GUCY2C: variants seen among roughly 807,000 people sequenced by gnomAD.
GUCY2C encodes the protein guanylate cyclase 2C.
In GUCY2C, 118 loss-of-function variants were observed where a neutral mutation model predicts 131.1. The observed-to-expected ratio is 0.90, with a 90% confidence interval of 0.78 to 1.05. GUCY2C has a LOEUF of 1.05. Among genes scored for constraint, GUCY2C ranks in the 50% least tolerant of loss-of-function variants. The probability of loss-of-function intolerance (pLI) is 0.00; values close to 1 mark genes in which losing one functional copy is unlikely to be tolerated. For synonymous variants in GUCY2C, 452 were observed against 457.8 expected, an observed-to-expected ratio of 0.99 and a Z score of 0.16; for missense variants, 1,161 against 1,304.4, an observed-to-expected ratio of 0.89 and a Z score of 1.69.
Position 14,652,029 on chromosome 12 carries a change from C to T in GUCY2C, c.1535G>A (p.Arg512Gln), listed in dbSNP as rs777253417. Reference sequence around the variant, plus strand: ...GTGCTTGAGATCTTTGAGAATCACTCGCTGCAAAAATCAATGAAATTTAGG... The same window carrying T: ...GTGCTTGAGATCTTTGAGAATCACTTGCTGCAAAAATCAATGAAATTTAGG... ...RLRQCKYDKK[R>Q]VILKDLKHND... Residue 512 changes from arginine to glutamine, a missense_variant and splice_region_variant, in exon 14 of 27, where the codon CGA becomes CAA. Arg to Gln is a conservative substitution (Grantham distance 43, BLOSUM62 1). Transcript: ENST00000261170. 13 of 1,584,464 alleles carry T rather than the reference C, an allele frequency of 8.2e-6. No individual in the cohort carries two copies. The highest frequency in any genetic ancestry group is 1.7e-4 in the Middle Eastern group (1 of 5,820).
intron 15 of GUCY2C, among the ~76,000 whole-genome samples, chr12:14,646,318 C>G (rs1160412336): frequency 6.6e-6 from 1 of 152,166 alleles, no homozygotes; most frequent in Non-Finnish European, 1.5e-5. Flanking sequence ...AACTCAGGCA[C>G]TGTACTAAGA....
At chr12:14,625,997 G>A (rs1947006366) in intron 20 of GUCY2C, 82 bp from the exon 21 acceptor site, 1 of 803,040 alleles carries the variant, frequency 1.2e-6, no homozygotes. Context: ...CAAATATGAT[G>A]AACAGATAAT....
intron 11 of GUCY2C, among the ~76,000 whole-genome samples, chr12:14,659,120 A>G (rs930513428): frequency 1.3e-5 from 2 of 150,746 alleles, no homozygotes; most frequent in African/African-American, 4.9e-5. Context: ...ATCTCTGCTC[A>G]CTGCAACCTC....
chr12:14,650,048 T>A (rs1002001908), intron 15 of GUCY2C, among the ~76,000 whole-genome samples: 1 of 152,196 alleles, frequency 6.6e-6, no homozygotes, highest in Admixed American at 6.5e-5. Flanking sequence ...TGTATTTGCA[T>A]GTTTGTTTTA....
At chr12:14,686,003 G>A (rs1948460619) in intron 3 of GUCY2C, among the ~76,000 whole-genome samples, 158 bp downstream of exon 3, 1 of 152,164 alleles carries the variant, frequency 6.6e-6, no homozygotes, top group Non-Finnish European at 1.5e-5. Context: ...TGCTGAGCAA[G>A]GGAAGTTACC....
intron 19 of GUCY2C, among the ~76,000 whole-genome samples, chr12:14,637,191 G>A (rs1947287970): frequency 1.9e-5 from 1 of 51,902 alleles, no homozygotes; most frequent in South Asian, 1.1e-3. Context: ...ATTTACAATA[G>A]CTACCAAAAA....
chr12:14,659,292 C>T (rs1304507864), intron 11 of GUCY2C, among the ~76,000 whole-genome samples: 1 of 152,114 alleles, frequency 6.6e-6, no homozygotes, highest in Non-Finnish European at 1.5e-5. Flanking sequence ...ATTCAGCCAC[C>T]TCGGCCTTCC....
chr12:14,631,560 T>G (rs1176381916), intron 19 of GUCY2C, among the ~76,000 whole-genome samples: 1 of 152,072 alleles, frequency 6.6e-6, no homozygotes, highest in Non-Finnish European at 1.5e-5. Flanking sequence ...GGACACGAGC[T>G]CATCATTTTT....
chr12:14,669,627 G>A, intron 10 of GUCY2C, 95 bp downstream of exon 10: 1 of 677,738 alleles, frequency 1.5e-6, no homozygotes. Flanking sequence ...ACAAAACACA[G>A]CAAAAAGCAC....
At chr12:14,645,157 A>G (rs952227251) in intron 16 of GUCY2C, 72 bp downstream of exon 16, 2 of 809,582 alleles carry the variant, frequency 2.5e-6, no homozygotes, top group African/African-American at 3.4e-5. Context: ...AATGCACAGA[A>G]GGTTGAATAA....
intron 11 of GUCY2C, among the ~76,000 whole-genome samples, chr12:14,659,412 T>C (rs1947823508): frequency 6.6e-6 from 1 of 152,200 alleles, no homozygotes; most frequent in Non-Finnish European, 1.5e-5. Flanking sequence ...TTGTATCTGA[T>C]TCTGGAACTG....
At chr12:14,655,037 T>G (rs372312095) in intron 12 of GUCY2C, among the ~76,000 whole-genome samples, 56 of 152,274 alleles carry the variant, frequency 3.7e-4, no homozygotes, top group African/African-American at 1.3e-3. Context: ...ATAAAGCAAA[T>G]GCCTAGCTGT....
chr12:14,616,752 A>C, intron 24 of GUCY2C, 25 bp from the exon 25 acceptor site: 1 of 1,339,306 alleles, frequency 7.5e-7, no homozygotes, highest in Non-Finnish European at 1.1e-6. Context: ...TGACAAATAA[A>C]AATCCCAGCT....
At chr12:14,637,118 G>A (rs538524660) in intron 19 of GUCY2C, among the ~76,000 whole-genome samples, 1 of 147,584 alleles carries the variant, frequency 6.8e-6, no homozygotes, top group East Asian at 2.1e-4. Context: ...TACAAAAATC[G>A]GTAGTGTTTT....
At chr12:14,630,192 C>T (rs1021980210) in intron 19 of GUCY2C, among the ~76,000 whole-genome samples, 3 of 151,414 alleles carry the variant, frequency 2.0e-5, no homozygotes, top group African/African-American at 7.3e-5. Context: ...ATAAGTGATA[C>T]TAGATGCAAT....
intron 20 of GUCY2C, among the ~76,000 whole-genome samples, chr12:14,626,594 T>A (rs967382541): frequency 6.6e-6 from 1 of 152,152 alleles, no homozygotes; most frequent in Admixed American, 6.6e-5. Context: ...ACAGTATTCT[T>A]TACAACAGCA....
chr12:14,631,450 C>T (rs976736251), intron 19 of GUCY2C, among the ~76,000 whole-genome samples: 1 of 148,334 alleles, frequency 6.7e-6, no homozygotes, highest in African/African-American at 2.5e-5. Context: ...TCTCATTGTT[C>T]AATTCCACCT....
At chr12:14,678,746 C>A (rs1283037325) in intron 6 of GUCY2C, among the ~76,000 whole-genome samples, 1 of 152,194 alleles carries the variant, frequency 6.6e-6, no homozygotes, top group East Asian at 1.9e-4. Context: ...ATGGCCCAGT[C>A]AGATAAGTGA....
At chr12:14,643,460 CT>C (rs1947450250) in intron 17 of GUCY2C, 113 bp downstream of exon 17, 2 of 871,294 alleles carry the variant, frequency 2.3e-6, no homozygotes, top group African/African-American at 3.4e-5. Flanking sequence ...GCTGTTGTCT[CT>C]TGTGGCTTTA....
Sources: allele counts gnomAD v4.1 joint callset (sites outside exome capture counted in the v4.1 genomes callset), GRCh38; gene constraint gnomAD v4.1.1; transcripts MANE v1.5; gene names NCBI Gene and HGNC (gene_info 2026-07-23, HGNC 2026-07-21).